RFTN1: variants seen among roughly 807,000 people sequenced by gnomAD.
RFTN1 encodes the protein raftlin.
Under a neutral mutation model 46.5 loss-of-function variants are expected in RFTN1, and 26 were observed. The ratio of observed to expected loss-of-function variants is 0.56; its 90% confidence interval spans 0.41 to 0.78. RFTN1 has a LOEUF of 0.78. RFTN1 is among the 30% of genes least tolerant of loss of function. RFTN1 has a pLI of 0.00. For synonymous variants in RFTN1, 261 were observed against 284.2 expected, an observed-to-expected ratio of 0.92 and a Z score of 0.82; for missense variants, 693 against 718.7, an observed-to-expected ratio of 0.96 and a Z score of 0.41.
chr3:16,388,760 C>A (rs1490718179), intron 4 of RFTN1, among the ~76,000 whole-genome samples: 2 of 152,090 alleles, frequency 1.3e-5, no homozygotes, highest in African/African-American at 4.8e-5. Flanking sequence ...TCAGGCATAC[C>A]CATGGGCCTT....
Position 16,357,927 on chromosome 3 carries a change from C to G in RFTN1, c.1146+5G>C. On this transcript the variant is annotated splice_donor_5th_base_variant and intron_variant, in intron 7 of 9. Coordinates refer to ENST00000334133, the MANE Select transcript of RFTN1 (RefSeq NM_015150.2). ...AAGAAGCGGGGCTGCCAACCCCACA[C>G]TTACTTCCAGGACTGTCCATTGTTC... The G allele has an allele frequency of 1.3e-6, 2 of 1,589,148 alleles. No homozygotes were observed. Among genetic ancestry groups the G allele is most frequent in the South Asian group, 1.1e-5 (1 of 90,072 alleles).
chr3:16,323,360 C>T lies in RFTN1; in HGVS notation c.1332+16G>A, dbSNP rs145153104. 8 of 1,578,518 alleles carry T rather than the reference C, an allele frequency of 5.1e-6. No homozygotes were observed. The East Asian group carries it at 1.8e-4, about 35-fold the overall frequency. The stretch of plus-strand genomic sequence containing the variant: ...CCTGCTGAGGAAAACCTAGGAAGGC[C>T]ATCAAAGTCTCTTACCTTCGATTCC... On this transcript the variant is annotated intron_variant, in intron 9 of 9. Transcript: ENST00000334133.
In RFTN1 at chr3:16,381,162, T is replaced by C. The variant is rs2073979105; in HGVS notation, c.442-3060A>G. ...AAGATTCTAAACTTCATACACTTTA[T>C]TATGACAACTATGTAATACACATAC... On this transcript the variant is annotated intron_variant, in intron 4 of 9. Coordinates refer to ENST00000334133, the MANE Select transcript of RFTN1 (RefSeq NM_015150.2). The surrounding 1 kb of genome is among the most constrained non-coding windows in gnomAD (Gnocchi z 4.2). Among the ~76,000 whole-genome samples the C allele has an allele frequency of 6.6e-6, 1 of 152,224 alleles. No homozygotes were observed. Among genetic ancestry groups the C allele is most frequent in the African/African-American group, 2.4e-5 (1 of 41,452 alleles).
chr3:16,331,694 T>G (rs2070328268), intron 7 of RFTN1, among the ~76,000 whole-genome samples: 2 of 152,264 alleles, frequency 1.3e-5, no homozygotes, highest in African/African-American at 4.8e-5. Context: ...AACTTTGCTC[T>G]AATCTGGTCT....
intron 6 of RFTN1, among the ~76,000 whole-genome samples, chr3:16,359,032 CAAAAAAAAAA>C (rs771185605): frequency 7.8e-5 from 7 of 89,520 alleles, no homozygotes. Context: ...ATTCTGTCTC[CAAAAAAAAAA>C]AAAAAAAAAA....
At chr3:16,398,244 C>CGAAAAAAAAAAAAAAAAA (rs2074518209) in intron 4 of RFTN1, among the ~76,000 whole-genome samples, 1 of 110,852 alleles carries the variant, frequency 9.0e-6, no homozygotes, top group African/African-American at 2.8e-5. Context: ...AAGACTGTCT[C>CGAAAAAAAAAAAAAAAAA]AAAAAAAAAA....
intron 2 of RFTN1, among the ~76,000 whole-genome samples, chr3:16,438,585 C>CAAAAAAAAAAAAAA (rs61019061): frequency 1.3e-4 from 4 of 30,444 alleles, no homozygotes; most frequent in African/African-American, 3.7e-4. Flanking sequence ...AACTCTGTCT[C>CAAAAAAAAAAAAAA]AAAAAAAAAA....
chr3:16,318,622 G>A (rs2068697203), intron 9 of RFTN1, among the ~76,000 whole-genome samples: 1 of 152,098 alleles, frequency 6.6e-6, no homozygotes, highest in Non-Finnish European at 1.5e-5. Flanking sequence ...TAGGATTCTT[G>A]GATTTAGCAC....
chr3:16,497,367 AG>A (rs1346011444), intron 1 of RFTN1, among the ~76,000 whole-genome samples: 2 of 152,258 alleles, frequency 1.3e-5, no homozygotes, highest in Non-Finnish European at 2.9e-5. Flanking sequence ...TATTTACAGT[AG>A]GCATGTTCAT....
chr3:16,330,828 A>G (rs985352263), intron 7 of RFTN1, among the ~76,000 whole-genome samples: 1 of 152,242 alleles, frequency 6.6e-6, no homozygotes, highest in African/African-American at 2.4e-5. Context: ...AGAGTTTACT[A>G]AGAAATATGT....
In RFTN1 at chr3:16,348,338, C is replaced by A. The variant is rs1456685902; in HGVS notation, c.1146+9594G>T. Among the ~76,000 whole-genome samples the A allele has an allele frequency of 1.3e-5, 2 of 151,834 alleles. No individual in the cohort carries two copies. The highest frequency in any genetic ancestry group is 2.9e-5 in the Non-Finnish European group (2 of 67,950). ...TTGAAGGCATCTAGGAGATCATCCA[C>A]ATTATCCAATATGTGTTCTAATTAT... On this transcript the variant is annotated intron_variant, in intron 7 of 9. Transcript: ENST00000334133. This position sits in a 1 kb window ranked among gnomAD's most constrained non-coding sequence, Gnocchi z 6.3.
chr3:16,437,615 C>T lies in RFTN1; in HGVS notation c.146-3578G>A, dbSNP rs140376262. On this transcript the variant is annotated intron_variant, in intron 2 of 9. Coordinates refer to ENST00000334133, the MANE Select transcript of RFTN1 (RefSeq NM_015150.2). ...GGTCAAGGATGCAGTGAGCTGAGATCGCACCACTGCACTCCAGCCTGGGGT... is the reference window on the plus strand; with the variant it reads ...GGTCAAGGATGCAGTGAGCTGAGATTGCACCACTGCACTCCAGCCTGGGGT... Among the ~76,000 whole-genome samples, 633 of 152,018 alleles carry T rather than the reference C, an allele frequency of 4.2e-3. 2 individuals carry two copies. The highest frequency in any genetic ancestry group is 7.4e-3 in the African/African-American group (305 of 41,436).
intron 2 of RFTN1, among the ~76,000 whole-genome samples, chr3:16,491,012 A>C (rs1195699917): frequency 6.6e-6 from 1 of 152,218 alleles, no homozygotes; most frequent in East Asian, 1.9e-4. Flanking sequence ...CCCTGCACTC[A>C]TGGGAAGGGA....
Position 16,474,979 on chromosome 3 carries a change from G to A in RFTN1, c.145+18746C>T, listed in dbSNP as rs116690299. The stretch of plus-strand genomic sequence containing the variant: ...TGATATTTGATCTCCCACGTTGGAG[G>A]TGGGGCCTAGTGGGAGGTGTTTGGG... On this transcript the variant is annotated intron_variant, in intron 2 of 9. Coordinates refer to ENST00000334133, the MANE Select transcript of RFTN1 (RefSeq NM_015150.2). This position sits in a 1 kb window ranked among gnomAD's most constrained non-coding sequence, Gnocchi z 5.5. 0.012 allele frequency among the ~76,000 whole-genome samples: 1,871 copies of A among 152,344 alleles called. 14 individuals carry two copies. Among genetic ancestry groups the A allele is most frequent in the Non-Finnish European group, 0.018 (1,246 of 68,026 alleles).
rs969011588 is a variant in RFTN1 at position 16,329,505 on chromosome 3, C to T, written c.1147-2629G>A. On this transcript the variant is annotated intron_variant, in intron 7 of 9. Transcript: ENST00000334133. The surrounding 1 kb of genome is among the most constrained non-coding windows in gnomAD (Gnocchi z 4.5). ...AGCCTCTATCAGGCCAGAGATGGCCCAGCAGTTGTGACCATCCTTTCTGCC... is the reference window on the plus strand; with the variant it reads ...AGCCTCTATCAGGCCAGAGATGGCCTAGCAGTTGTGACCATCCTTTCTGCC... 2.6e-5 allele frequency among the ~76,000 whole-genome samples: 4 copies of T among 152,212 alleles called. No homozygotes were observed. The East Asian group carries it at 7.7e-4, about 29-fold the overall frequency.
intron 3 of RFTN1, among the ~76,000 whole-genome samples, chr3:16,432,338 C>T (rs73043146): frequency 0.02 from 3,003 of 152,066 alleles, 94 homozygotes; most frequent in South Asian, 0.12. Flanking sequence ...GGCAACATGG[C>T]GAAACCCGGT....
chr3:16,384,150 T>C lies in RFTN1; in HGVS notation c.442-6048A>G, dbSNP rs1047180033. On this transcript the variant is annotated intron_variant, in intron 4 of 9. Transcript: ENST00000334133. The surrounding 1 kb of genome is among the most constrained non-coding windows in gnomAD (Gnocchi z 4.7). ...CCTCTGGACTGCAACACAGAAATTCTCCCTGGGTTTTCTCCCCTTCAAACT... is the reference window on the plus strand; with the variant it reads ...CCTCTGGACTGCAACACAGAAATTCCCCCTGGGTTTTCTCCCCTTCAAACT... 2.6e-5 allele frequency among the ~76,000 whole-genome samples: 4 copies of C among 152,194 alleles called. No individual in the cohort carries two copies. Among genetic ancestry groups the C allele is most frequent in the African/African-American group, 9.6e-5 (4 of 41,452 alleles).
intron 2 of RFTN1, among the ~76,000 whole-genome samples, chr3:16,471,053 T>C (rs2076186200): frequency 6.6e-6 from 1 of 152,144 alleles, no homozygotes; most frequent in South Asian, 2.1e-4. Flanking sequence ...AAAATAGAAG[T>C]GGTCTCCACT....
At chr3:16,340,860 AT>A (rs2071271703) in intron 7 of RFTN1, among the ~76,000 whole-genome samples, 1 of 152,204 alleles carries the variant, frequency 6.6e-6, no homozygotes, top group African/African-American at 2.4e-5. Flanking sequence ...CCTCAAGAGA[AT>A]GAGAAGACAA....
Sources: gnomAD v4.1 joint callset for allele counts (sites outside exome capture counted in the v4.1 genomes callset) on GRCh38, gnomAD v4.1.1 for gene constraint, Gnocchi (gnomAD v3.1) non-coding constraint, MANE v1.5 for transcripts, NCBI Gene and HGNC (gene_info 2026-07-23, HGNC 2026-07-21) for gene names.